Variants in PDE8B observed in about 807,000 individuals in gnomAD.
The protein encoded by PDE8B is high affinity cAMP-specific and IBMX-insensitive 3',5'-cyclic phosphodiesterase 8B.
A neutral mutation model predicts 101.3 loss-of-function variants in PDE8B; 26 were observed. That is an observed-to-expected ratio of 0.26 (90% CI 0.19 to 0.36). PDE8B has a LOEUF of 0.36. Ranked by LOEUF, PDE8B falls within the 10% of genes least tolerant of loss-of-function variation. PDE8B has a pLI of 1.00. For missense variants in PDE8B, 810 were observed against 1,163.1 expected (o/e 0.70, Z 4.42); for synonymous variants, 424 against 429.3 (o/e 0.99, Z 0.15).
chr5:77,384,956 A>C (rs1236633624), intron 10 of PDE8B, among the ~76,000 whole-genome samples: 1 of 152,132 alleles, frequency 6.6e-6, no homozygotes, highest in Non-Finnish European at 1.5e-5. Flanking sequence ...AGTCTCTACC[A>C]GGTTTTGGTA....
At chr5:77,093,704 C>A in the PDE8B span, among the ~76,000 whole-genome samples, 2 of 152,130 alleles carry the variant, frequency 1.3e-5, no homozygotes, top group Non-Finnish European at 2.9e-5. Flanking sequence ...CAGCAAGGCA[C>A]CTTGTAGGAA....
At chr5:77,385,268 T>G (rs1221604225) in intron 10 of PDE8B, among the ~76,000 whole-genome samples, 1 of 152,148 alleles carries the variant, frequency 6.6e-6, no homozygotes, top group Non-Finnish European at 1.5e-5. Context: ...CGTAGAGGTA[T>G]TTATAATATT....
At chr5:77,209,071 G>C (rs1433637979), upstream of PDE8B, among the ~76,000 whole-genome samples, 2 of 152,104 alleles carry the variant, frequency 1.3e-5, no homozygotes, top group South Asian at 2.1e-4. Context: ...CTCAGAATCT[G>C]CTTCTAGGAG....
chr5:77,135,248 A>T, the PDE8B span, among the ~76,000 whole-genome samples: 1 of 152,156 alleles, frequency 6.6e-6, no homozygotes, highest in Admixed American at 6.6e-5. Flanking sequence ...GCAGACCTGC[A>T]TTATATTCTT....
At position 77,412,162 on chromosome 5, in the gene PDE8B, A is replaced by G. The variant is rs1326281574; in HGVS notation, c.1639A>G (p.Ile547Val). Residue 547 changes from isoleucine to valine, a missense_variant, in exon 16 of 22, where the codon ATC becomes GTC. Around this residue, in one of 4 missense-constraint regions of PDE8B, gnomAD observed 325 missense variants for 560.9 expected, o/e 0.58. Transcript: ENST00000264917. ...AACCATCAATGATGTTCCCCCTTGT[A>G]TCTCTCAATTACTTGATAATGAGGA... Reference protein sequence around the residue: ...PITINDVPPCISQLLDNEESW... With the variant: ...PITINDVPPCVSQLLDNEESW... 7 of 1,613,652 alleles carry G rather than the reference A, an allele frequency of 4.3e-6. No individual in the cohort carries two copies. The East Asian group carries it at 1.1e-4, about 26-fold the overall frequency.
chr5:77,425,947 A>G (rs1798008384), intron 21 of PDE8B, 51 bp downstream of exon 21: 1 of 1,550,574 alleles, frequency 6.4e-7, no homozygotes, highest in African/African-American at 1.4e-5. Flanking sequence ...TACTTTACGA[A>G]TATTATCTTT....
intron 1 of PDE8B, among the ~76,000 whole-genome samples, chr5:77,250,171 T>C (rs914890601): frequency 6.6e-6 from 1 of 152,236 alleles, no homozygotes; most frequent in Non-Finnish European, 1.5e-5. Context: ...TGCCAGGCTC[T>C]TGGGATGGGT....
At chr5:77,101,729 A>G in the PDE8B span, among the ~76,000 whole-genome samples, 3 of 152,182 alleles carry the variant, frequency 2.0e-5, no homozygotes, top group Admixed American at 6.5e-5. Context: ...TGCTGGGCAA[A>G]GTATTCAGTG....
chr5:77,212,304 G>C (rs926279486), intron 1 of PDE8B, among the ~76,000 whole-genome samples: 1 of 152,156 alleles, frequency 6.6e-6, no homozygotes, highest in Non-Finnish European at 1.5e-5. Flanking sequence ...CCATTCCATG[G>C]ATTATTTGTC....
chr5:77,153,942 T>C, the PDE8B span, among the ~76,000 whole-genome samples: 1 of 152,218 alleles, frequency 6.6e-6, no homozygotes, highest in East Asian at 1.9e-4. Flanking sequence ...TTCTCAATCC[T>C]TTTGCTATTG....
chr5:77,303,210 G>A (rs1190288982), intron 1 of PDE8B, among the ~76,000 whole-genome samples: 2 of 152,016 alleles, frequency 1.3e-5, no homozygotes, highest in African/African-American at 2.4e-5. Flanking sequence ...GTTTAATTCA[G>A]TAAACACCCA....
intron 1 of PDE8B, 38 bp from the exon 2 acceptor site, chr5:77,311,956 T>G: frequency 6.4e-7 from 1 of 1,554,808 alleles, no homozygotes; most frequent in Non-Finnish European, 8.9e-7. Context: ...TTGTGTAGTT[T>G]AAGACTTGAC....
intron 21 of PDE8B, 32 bp from the exon 22 acceptor site, chr5:77,426,413 C>T (rs202066073): frequency 1.5e-4 from 213 of 1,436,612 alleles, no homozygotes; most frequent in Non-Finnish European, 1.9e-4. Flanking sequence ...CTAAGTTCAC[C>T]GGTTTCTTTT....
At position 77,269,532 on chromosome 5, in the gene PDE8B, C is replaced by T. The variant is rs1762375305; in HGVS notation, c.340-42462C>T. On this transcript the variant is annotated intron_variant, in intron 1 of 21. Coordinates refer to ENST00000264917, the MANE Select transcript of PDE8B (RefSeq NM_003719.5). ...TGTTGCCTGTGCTTGTGGGGTATTA[C>T]TCAAGAAATCTTTGCCCAGTCCAAT... Among the ~76,000 whole-genome samples the T allele has an allele frequency of 2.0e-5, 3 of 152,116 alleles. No homozygotes were observed. In the South Asian group the frequency reaches 6.2e-4, roughly 32 times the overall value.
Position 77,290,191 on chromosome 5 carries a change from G to T in PDE8B, c.340-21803G>T. ...TTACATTAAAAACCATTGATGTGGC[G>T]CCTGCCTCGCGCACTGTGTGTGCAC... On this transcript the variant is annotated intron_variant, in intron 1 of 21. Transcript: ENST00000264917. The T allele has an allele frequency of 3.3e-6, 5 of 1,517,136 alleles. No homozygotes were observed. The South Asian group carries it at 4.8e-5, about 15-fold the overall frequency. The allele number at this position is 1,517,136 out of a possible 1,614,324, so 94.0% of individuals were successfully genotyped here. A position where few individuals can be genotyped will look rare whatever the true frequency, so the allele number is the denominator to read the frequency against.
intron 10 of PDE8B, among the ~76,000 whole-genome samples, chr5:77,385,815 T>TTG (rs61293389): frequency 1.9e-4 from 29 of 149,676 alleles, no homozygotes; most frequent in African/African-American, 7.2e-4. Context: ...TTTTTTTTTT[T>TTG]GAGATGGAAT....
chr5:77,095,145 C>A, the PDE8B span, among the ~76,000 whole-genome samples: 1 of 152,128 alleles, frequency 6.6e-6, no homozygotes, highest in Non-Finnish European at 1.5e-5. Flanking sequence ...GAAATACTCT[C>A]TCTGGTGAAG....
At chr5:77,378,231 C>A (rs62364322) in intron 10 of PDE8B, among the ~76,000 whole-genome samples, 10 of 152,028 alleles carry the variant, frequency 6.6e-5, no homozygotes, top group Admixed American at 3.3e-4. Context: ...GAGGCTGAGG[C>A]GGGTGGATCA....
At chr5:77,406,551 A>G (rs1793495131) in intron 12 of PDE8B, among the ~76,000 whole-genome samples, 1 of 152,182 alleles carries the variant, frequency 6.6e-6, no homozygotes, top group Non-Finnish European at 1.5e-5. Flanking sequence ...GGCACAGTGG[A>G]GGCTGAAGAG....
Sources: gnomAD v4.1 joint callset for allele counts (sites outside exome capture counted in the v4.1 genomes callset) on GRCh38, gnomAD v4.1.1 for gene constraint, gnomAD v4.1.1 regional missense constraint, MANE v1.5 for transcripts, NCBI Gene and HGNC (gene_info 2026-07-23, HGNC 2026-07-21) for gene names.